Variants in LSAMP observed in about 807,000 individuals in gnomAD.
LSAMP encodes limbic system-associated membrane protein.
A neutral mutation model predicts 38.6 loss-of-function variants in LSAMP; 7 were observed. The observed-to-expected ratio is 0.18, with a 90% CI of 0.10 to 0.34. The LOEUF (loss-of-function observed/expected upper bound fraction) is 0.34, where lower values mean the gene tolerates loss of function less well. Ranked by LOEUF, LSAMP falls within the 10% of genes least tolerant of loss-of-function variation. The pLI is 1.00. For synonymous variants in LSAMP, 154 were observed against 166.8 expected, an observed-to-expected ratio of 0.92 and a Z score of 0.59; for missense variants, 313 against 420.0, an observed-to-expected ratio of 0.75 and a Z score of 2.23.
At chr3:116,043,900 C>G (rs1016618792) in intron 2 of LSAMP, among the ~76,000 whole-genome samples, 2 of 152,224 alleles carry the variant, frequency 1.3e-5, no homozygotes, top group African/African-American at 2.4e-5. Context: ...GAGCCAAGAT[C>G]GCGCCGCTGC....
chr3:116,191,725 C>T (rs1488609064), intron 1 of LSAMP, among the ~76,000 whole-genome samples: 1 of 151,766 alleles, frequency 6.6e-6, no homozygotes, highest in African/African-American at 2.4e-5. Context: ...GCATGGTATT[C>T]CTGCAATTAG....
intron 3 of LSAMP, among the ~76,000 whole-genome samples, chr3:115,861,634 G>C (rs1212090310): frequency 6.6e-6 from 1 of 152,144 alleles, no homozygotes; most frequent in Non-Finnish European, 1.5e-5. Context: ...GCAGTGTGTA[G>C]GTTGGAAGCT....
intron 3 of LSAMP, among the ~76,000 whole-genome samples, chr3:115,914,306 C>T (rs1021787392): frequency 1.3e-5 from 2 of 152,322 alleles, no homozygotes; most frequent in Admixed American, 1.3e-4. Context: ...AATCCTCTAA[C>T]CCTCACTATC....
At chr3:116,010,533 G>A (rs1015954898) in intron 3 of LSAMP, among the ~76,000 whole-genome samples, 2 of 152,156 alleles carry the variant, frequency 1.3e-5, no homozygotes, top group African/African-American at 4.8e-5. Context: ...ACTGCTGAGA[G>A]GAAAAGAACA....
At chr3:116,282,284 C>T (rs2047136500) in intron 1 of LSAMP, among the ~76,000 whole-genome samples, 1 of 151,954 alleles carries the variant, frequency 6.6e-6, no homozygotes, top group East Asian at 1.9e-4. Context: ...AGCAAGAATA[C>T]CATGTAAATA....
chr3:116,085,714 T>G (rs970942706), intron 2 of LSAMP, among the ~76,000 whole-genome samples: 1 of 152,190 alleles, frequency 6.6e-6, no homozygotes, highest in Non-Finnish European at 1.5e-5. Context: ...AGATGTGCCC[T>G]TAGATCCCCC....
At chr3:115,922,049 C>G (rs1374297998) in intron 3 of LSAMP, among the ~76,000 whole-genome samples, 1 of 152,108 alleles carries the variant, frequency 6.6e-6, no homozygotes, top group Non-Finnish European at 1.5e-5. Flanking sequence ...TTGTAAAATA[C>G]TGCAGTGTGA....
chr3:115,928,942 ACTTATGG>A (rs2107535485), intron 3 of LSAMP, among the ~76,000 whole-genome samples: 1 of 139,766 alleles, frequency 7.2e-6, no homozygotes, highest in East Asian at 2.2e-4. Context: ...TTTCTATGTG[ACTTATGG>A]CTTATCATGC....
At chr3:116,307,140 C>A (rs2047494828) in intron 1 of LSAMP, among the ~76,000 whole-genome samples, 1 of 151,914 alleles carries the variant, frequency 6.6e-6, no homozygotes, top group Non-Finnish European at 1.5e-5. Flanking sequence ...AAAAAAGTTT[C>A]ACATTTTAAC....
chr3:116,367,056 T>G (rs564011823), intron 1 of LSAMP, among the ~76,000 whole-genome samples: 4 of 152,322 alleles, frequency 2.6e-5, no homozygotes, highest in Admixed American at 2.6e-4. Context: ...CTAATTGGCA[T>G]GTTAGACTTG....
At chr3:116,037,485 C>A (rs894108849) in intron 2 of LSAMP, among the ~76,000 whole-genome samples, 5 of 152,058 alleles carry the variant, frequency 3.3e-5, no homozygotes, top group African/African-American at 1.2e-4. Context: ...CTCCTTCATG[C>A]TACAAAATCT....
intron 1 of LSAMP, among the ~76,000 whole-genome samples, chr3:116,354,845 ATGTGTGTGTGTGTG>A (rs56975134): frequency 1.4e-5 from 2 of 146,320 alleles, no homozygotes; most frequent in Non-Finnish European, 1.5e-5. Flanking sequence ...GGGTGTATAT[ATGTGTGTGTGTGTG>A]TGTGTGTGTG....
chr3:116,428,123 T>A (rs1411326540), intron 1 of LSAMP, among the ~76,000 whole-genome samples: 1 of 152,226 alleles, frequency 6.6e-6, no homozygotes, highest in African/African-American at 2.4e-5. Context: ...CCTGCCAGCC[T>A]TCTTATGTGA....
chr3:116,058,674 G>A (rs745375844), intron 2 of LSAMP, among the ~76,000 whole-genome samples: 2 of 152,024 alleles, frequency 1.3e-5, no homozygotes, highest in Non-Finnish European at 2.9e-5. Flanking sequence ...CTTTACTTTT[G>A]TGAAGTATGC....
intron 1 of LSAMP, among the ~76,000 whole-genome samples, chr3:116,426,115 A>G (rs569657411): frequency 6.6e-6 from 1 of 152,318 alleles, no homozygotes; most frequent in African/African-American, 2.4e-5. Context: ...GTGAAAATCT[A>G]AAAGGCTAGA....
At chr3:116,238,095 G>A (rs535810870) in intron 1 of LSAMP, among the ~76,000 whole-genome samples, 2 of 152,048 alleles carry the variant, frequency 1.3e-5, no homozygotes, top group Non-Finnish European at 2.9e-5. Flanking sequence ...TTTCCTGGGG[G>A]GCAAAATAAC....
At chr3:115,962,241 T>G (rs1462034371) in intron 3 of LSAMP, among the ~76,000 whole-genome samples, 3 of 152,250 alleles carry the variant, frequency 2.0e-5, no homozygotes, top group Non-Finnish European at 4.4e-5. Context: ...ATGCTGGCTG[T>G]CACTGACCAC....
chr3:116,159,362 A>G (rs892991022), intron 1 of LSAMP, among the ~76,000 whole-genome samples: 3 of 152,228 alleles, frequency 2.0e-5, no homozygotes, highest in African/African-American at 7.2e-5. Context: ...TGCATCTGAC[A>G]AACATTTGAT....
intron 1 of LSAMP, among the ~76,000 whole-genome samples, chr3:116,109,637 C>T (rs1236791119): frequency 2.0e-5 from 3 of 152,056 alleles, no homozygotes; most frequent in Admixed American, 2.0e-4. Flanking sequence ...GAACTACTGT[C>T]TAGTTTGTAT....
Sources: gnomAD v4.1 joint callset for allele counts (sites outside exome capture counted in the v4.1 genomes callset) on GRCh38, gnomAD v4.1.1 for gene constraint, MANE v1.5 for transcripts, NCBI Gene and HGNC (gene_info 2026-07-23, HGNC 2026-07-21) for gene names.